Variants in SMURF1 observed in about 807,000 individuals in gnomAD.
The protein encoded by SMURF1 is E3 ubiquitin-protein ligase SMURF1.
Under a neutral mutation model 98.0 loss-of-function variants are expected in SMURF1, and 44 were observed. That is an observed-to-expected ratio of 0.45 (90% CI 0.35 to 0.58). The LOEUF (loss-of-function observed/expected upper bound fraction) is 0.58. Among genes scored for constraint, SMURF1 ranks in the 20% least tolerant of loss-of-function variants. The probability of loss-of-function intolerance (pLI) is 0.00; values close to 1 mark genes in which losing one functional copy is unlikely to be tolerated. For synonymous variants in SMURF1, 396 were observed against 374.9 expected (o/e 1.06, Z -0.65); for missense variants, 687 against 938.4 (o/e 0.73, Z 3.50).
chr7:99,134,182 G>T (rs760583415), intron 1 of SMURF1, among the ~76,000 whole-genome samples: 3 of 135,048 alleles, frequency 2.2e-5, no homozygotes, highest in African/African-American at 5.5e-5. Flanking sequence ...GTTTTGTTTC[G>T]TTTTTTTTTG....
intron 1 of SMURF1, among the ~76,000 whole-genome samples, chr7:99,077,787 T>C (rs1796497961): frequency 6.6e-6 from 1 of 152,214 alleles, no homozygotes; most frequent in African/African-American, 2.4e-5. Flanking sequence ...AATATAAATA[T>C]GTTACAGAAG....
Position 99,060,537 on chromosome 7 carries a change from G to C in SMURF1, c.203+62C>G, listed in dbSNP as rs150314797. ...TTTTTTTTTCTCTTGGATGTTTCTC[G>C]TAAAAGGTAGACACCTGCTTTCCTG... On this transcript the variant is annotated intron_variant, in intron 3 of 17. Transcript: ENST00000361368. 1.7e-3 allele frequency: 1,870 copies of C among 1,126,304 alleles called. 22 individuals are homozygous for C. The East Asian group carries it at 0.028, about 17-fold the overall frequency. 69.8% of individuals were successfully genotyped at this position (1,126,304 alleles called of 1,614,324 possible). A position where few individuals can be genotyped will look rare whatever the true frequency, so the allele number is the denominator to read the frequency against.
intron 13 of SMURF1, 102 bp from the exon 14 acceptor site, chr7:99,038,627 G>A (rs546582315): frequency 1.4e-6 from 2 of 1,417,930 alleles, no homozygotes; most frequent in African/African-American, 1.4e-5. Context: ...GGGGCTGCAA[G>A]ACAGGACAGC....
intron 1 of SMURF1, 35 bp downstream of exon 1, chr7:99,143,691 C>T (rs1798199903): frequency 2.0e-6 from 3 of 1,528,606 alleles, no homozygotes; most frequent in African/African-American, 1.4e-5. Context: ...GGCGAGGGGG[C>T]GCCGGGGCGC....
chr7:99,083,215 G>A (rs527333767), intron 1 of SMURF1, among the ~76,000 whole-genome samples: 2 of 152,234 alleles, frequency 1.3e-5, no homozygotes, highest in South Asian at 4.2e-4. Flanking sequence ...TTTATAGTAT[G>A]TGAGTTATCT....
intron 1 of SMURF1, among the ~76,000 whole-genome samples, chr7:99,063,285 A>ATATATATAAGATT (rs1563012895): frequency 3.0e-4 from 7 of 23,120 alleles, no homozygotes; most frequent in East Asian, 3.1e-3. Flanking sequence ...ATATATATAT[A>ATATATATAAGATT]TATATATATA....
chr7:99,084,505 C>T (rs1796636737), intron 1 of SMURF1, among the ~76,000 whole-genome samples: 1 of 152,062 alleles, frequency 6.6e-6, no homozygotes, highest in Non-Finnish European at 1.5e-5. Flanking sequence ...AAAATATTTA[C>T]GGAATTTTTC....
At chr7:99,036,524 G>A (rs73145623) in intron 15 of SMURF1, 4,604 of 152,630 alleles carry the variant, frequency 0.03, 100 homozygotes, top group South Asian at 0.057. Flanking sequence ...CAGAACTACT[G>A]CTCCATCCAA....
At chr7:99,035,442 C>A in intron 16 of SMURF1, 73 bp downstream of exon 16, 1 of 1,547,374 alleles carries the variant, frequency 6.5e-7, no homozygotes. Context: ...AACATCCCAG[C>A]CACCTTCCAG....
chr7:99,033,248 A>G (rs1025011000), intron 16 of SMURF1, 127 bp from the exon 17 acceptor site: 51 of 894,738 alleles, frequency 5.7e-5, no homozygotes, highest in Non-Finnish European at 8.5e-5. Flanking sequence ...CTGTCCTGTG[A>G]GAGGGCCATG....
At chr7:99,034,503 T>C (rs1462927030) in intron 16 of SMURF1, among the ~76,000 whole-genome samples, 1 of 152,082 alleles carries the variant, frequency 6.6e-6, no homozygotes, top group Non-Finnish European at 1.5e-5. Flanking sequence ...CTCCTGTTTT[T>C]TTTCCTCGGG....
Position 99,047,890 on chromosome 7 carries a change from A to G in SMURF1, c.954-8T>C. On this transcript the variant is annotated splice_polypyrimidine_tract_variant and splice_region_variant and intron_variant, in intron 9 of 17. Coordinates refer to ENST00000361368, the MANE Select transcript of SMURF1 (RefSeq NM_181349.3). ...TTGAGTTGGCACTGGTGACTTGAGA[A>G]GAAGAGATGCAGAAAGTCACTCCGA... is the stretch of plus-strand genomic sequence containing the variant. 5 of 1,613,090 alleles carry G rather than the reference A, an allele frequency of 3.1e-6. No homozygotes were observed. Among genetic ancestry groups the G allele is most frequent in the Non-Finnish European group, 4.2e-6 (5 of 1,179,986 alleles).
At chr7:99,041,606 G>T (rs1795383693) in intron 12 of SMURF1, among the ~76,000 whole-genome samples, 1 of 152,244 alleles carries the variant, frequency 6.6e-6, no homozygotes, top group Admixed American at 6.5e-5. Flanking sequence ...GCAGGACGCT[G>T]GTGAAGGCCG....
intron 1 of SMURF1, 68 bp downstream of exon 1, chr7:99,143,658 G>A (rs1798197295): frequency 1.2e-5 from 17 of 1,399,150 alleles, no homozygotes; most frequent in Middle Eastern, 2.1e-4. Flanking sequence ...TTCCAAGGGC[G>A]CCCTGCGGGG....
At chr7:99,111,596 T>G (rs1034051519) in intron 1 of SMURF1, among the ~76,000 whole-genome samples, 6 of 152,216 alleles carry the variant, frequency 3.9e-5, no homozygotes, top group Non-Finnish European at 8.8e-5. Context: ...CAGAATCAAC[T>G]GTTTCAGAAC....
chr7:99,097,943 C>T (rs1041972878), intron 1 of SMURF1, among the ~76,000 whole-genome samples: 2 of 152,158 alleles, frequency 1.3e-5, no homozygotes, highest in Non-Finnish European at 2.9e-5. Flanking sequence ...TAACTGCTAA[C>T]CTAGAATTCT....
At chr7:99,090,294 C>T (rs1796780083) in intron 1 of SMURF1, among the ~76,000 whole-genome samples, 1 of 152,154 alleles carries the variant, frequency 6.6e-6, no homozygotes, top group Admixed American at 6.5e-5. Flanking sequence ...GGATCCTCTA[C>T]AGATTGACCA....
At chr7:99,043,015 T>TGC (rs1795445738) in intron 11 of SMURF1, among the ~76,000 whole-genome samples, 1 of 152,228 alleles carries the variant, frequency 6.6e-6, no homozygotes, top group African/African-American at 2.4e-5. Context: ...CTATAAAGTC[T>TGC]CTTTTTACTA....
chr7:99,049,423 C>T, intron 9 of SMURF1, 140 bp downstream of exon 9: 1 of 878,512 alleles, frequency 1.1e-6, no homozygotes, highest in Non-Finnish European at 1.7e-6. Flanking sequence ...ATGCAATTAT[C>T]CGCCAGATAT....
Sources: allele counts gnomAD v4.1 joint callset (sites outside exome capture counted in the v4.1 genomes callset), GRCh38; gene constraint gnomAD v4.1.1; transcripts MANE v1.5; gene names NCBI Gene and HGNC (gene_info 2026-07-23, HGNC 2026-07-21).